Variants in EIF4E1B observed in about 807,000 individuals in gnomAD.
EIF4E1B encodes eukaryotic translation initiation factor 4E family member 1B.
In EIF4E1B, 22 loss-of-function variants were observed where a neutral mutation model predicts 31.3. The observed-to-expected ratio is 0.70, with a 90% confidence interval of 0.50 to 1.00. The LOEUF (loss-of-function observed/expected upper bound fraction) is 1.00. EIF4E1B is among the 50% of genes least tolerant of loss of function. EIF4E1B has a pLI of 0.00. For synonymous variants in EIF4E1B, 126 were observed against 120.2 expected (o/e 1.05, Z -0.31); for missense variants, 290 against 311.6 (o/e 0.93, Z 0.52).
Position 176,643,225 on chromosome 5 carries a change from C to G in EIF4E1B, c.159C>G (p.Gly53=), listed in dbSNP as rs375992710. The change falls in exon 4 of 9, where the codon GGC becomes GGG. Residue 53 remains glycine (G), a synonymous_variant. Transcript: ENST00000318682. Reference sequence around the variant, plus strand: ...TGAGAGGGAAGGCCCGGACGGGGGGCCCCATGGAAGTCAAGCTGGAGCTGC... The same window carrying G: ...TGAGAGGGAAGGCCCGGACGGGGGGGCCCATGGAAGTCAAGCTGGAGCTGC... ...LSLRGKARTG[G]PMEVKLELHP... is the part of the protein sequence containing the mutation. 39 of 1,612,762 alleles carry G rather than the reference C, an allele frequency of 2.4e-5. No homozygotes were observed. The highest frequency in any genetic ancestry group is 5.3e-5 in the African/African-American group (4 of 74,892).
At chr5:176,641,493 G>A (rs935680619) in intron 1 of EIF4E1B, among the ~76,000 whole-genome samples, 14 of 152,314 alleles carry the variant, frequency 9.2e-5, no homozygotes, top group Middle Eastern at 3.4e-3. Context: ...CCCCAGCTTG[G>A]ATCGTGGACT....
chr5:176,640,890 A>G (rs1301654874), intron 1 of EIF4E1B, among the ~76,000 whole-genome samples: 1 of 151,966 alleles, frequency 6.6e-6, no homozygotes, highest in Non-Finnish European at 1.5e-5. Context: ...GCCCTCCCCG[A>G]CCCAGTTAAT....
At position 176,638,949 on chromosome 5, in the gene EIF4E1B, G is replaced by A. The variant is rs1193535025; in HGVS notation, c.-201-3094G>A. The stretch of plus-strand genomic sequence containing the variant: ...GCCACCATGCCCAACTAGTTTTGTT[G>A]CTGTTGTTGTTTGTTTGTTTGTTTT... On this transcript the variant is annotated intron_variant, in intron 1 of 8. Coordinates refer to ENST00000318682, the MANE Select transcript of EIF4E1B (RefSeq NM_001099408.2). This position sits in a 1 kb window ranked among gnomAD's most constrained non-coding sequence, Gnocchi z 4.3. 6.6e-6 allele frequency among the ~76,000 whole-genome samples: 1 copy of A among 152,066 alleles called. No individual in the cohort carries two copies. Among genetic ancestry groups the A allele is most frequent in the Non-Finnish European group, 1.5e-5 (1 of 68,006 alleles).
chr5:176,636,365 G>C (rs1443104850), intron 1 of EIF4E1B, among the ~76,000 whole-genome samples: 2 of 152,244 alleles, frequency 1.3e-5, no homozygotes, highest in East Asian at 3.9e-4. Context: ...CAGGAAATGG[G>C]CCTTTCCATT....
intron 1 of EIF4E1B, among the ~76,000 whole-genome samples, chr5:176,632,758 G>T (rs1760427365): frequency 6.6e-6 from 1 of 152,176 alleles, no homozygotes; most frequent in South Asian, 2.1e-4. Flanking sequence ...TGGTCTCTCA[G>T]CATTAAAATT....
At position 176,645,287 on chromosome 5, in the gene EIF4E1B, G is replaced by A; in HGVS notation, c.474+44G>A. 6.3e-7 allele frequency: 1 copy of A among 1,594,480 alleles called. No homozygotes were observed. Among genetic ancestry groups the A allele is most frequent in the Non-Finnish European group, 8.6e-7 (1 of 1,166,890 alleles). ...GTCCTCAGGGGAAGAGACGGGCTGT[G>A]TGGGTCTCATGGTGGCAGTGGTCTC... is the stretch of plus-strand genomic sequence containing the variant. On this transcript the variant is annotated intron_variant, in intron 7 of 8. Transcript: ENST00000318682. The surrounding 1 kb of genome is among the most constrained non-coding windows in gnomAD (Gnocchi z 5.4).
chr5:176,643,872 A>G (rs376452636), intron 5 of EIF4E1B, 138 bp downstream of exon 5: 8 of 848,558 alleles, frequency 9.4e-6, no homozygotes, highest in African/African-American at 6.8e-5. Flanking sequence ...CCCAGGGGGT[A>G]TAGGGCACAA....
At chr5:176,633,529 C>T (rs980519093) in intron 1 of EIF4E1B, among the ~76,000 whole-genome samples, 5 of 152,254 alleles carry the variant, frequency 3.3e-5, no homozygotes, top group South Asian at 2.1e-4. Context: ...AGGCTGGTCT[C>T]GAACTCCTGG....
chr5:176,634,862 G>T (rs1760468633), intron 1 of EIF4E1B, among the ~76,000 whole-genome samples: 1 of 151,834 alleles, frequency 6.6e-6, no homozygotes, highest in South Asian at 2.1e-4. Flanking sequence ...TAGAGACAGG[G>T]TTTCACCATG....
chr5:176,637,643 G>A (rs550439472), intron 1 of EIF4E1B, among the ~76,000 whole-genome samples: 40 of 152,248 alleles, frequency 2.6e-4, no homozygotes, highest in African/African-American at 8.4e-4. Context: ...TAGGAAGTGA[G>A]GGGACAGCCT....
intron 1 of EIF4E1B, among the ~76,000 whole-genome samples, chr5:176,631,413 GCTGT>G (rs1159034499): frequency 1.3e-5 from 2 of 152,170 alleles, no homozygotes; most frequent in African/African-American, 4.8e-5. Flanking sequence ...TGCCCAAGAA[GCTGT>G]AGTATCCCAG....
Position 176,636,832 on chromosome 5 carries a change from C to T in EIF4E1B, c.-201-5211C>T, listed in dbSNP as rs570485425. 7.9e-5 allele frequency among the ~76,000 whole-genome samples: 12 copies of T among 152,322 alleles called. No individual in the cohort carries two copies. The South Asian group carries it at 8.3e-4, about 11-fold the overall frequency. On this transcript the variant is annotated intron_variant, in intron 1 of 8. Transcript: ENST00000318682. ...TACCCAGAGAGGGAAAGTCACTGGC[C>T]TTTGTTCTTTTCAATCAGTTTTCCC...
intron 1 of EIF4E1B, among the ~76,000 whole-genome samples, chr5:176,636,300 C>A (rs1760492217): frequency 6.6e-6 from 1 of 152,244 alleles, no homozygotes; most frequent in South Asian, 2.1e-4. Flanking sequence ...CCTCCAGTGG[C>A]CAGTGGCCAC....
intron 1 of EIF4E1B, among the ~76,000 whole-genome samples, chr5:176,641,501 A>G (rs914735648): frequency 1.3e-5 from 2 of 152,134 alleles, no homozygotes; most frequent in Admixed American, 1.3e-4. Flanking sequence ...TGGATCGTGG[A>G]CTTTTTAGGT....
chr5:176,638,762 G>C lies in EIF4E1B; in HGVS notation c.-201-3281G>C, dbSNP rs1760533100. Among the ~76,000 whole-genome samples, 1 of 150,522 alleles carries C rather than the reference G, an allele frequency of 6.6e-6. No homozygotes were observed. Among genetic ancestry groups the C allele is most frequent in the Non-Finnish European group, 1.5e-5 (1 of 68,008 alleles). On this transcript the variant is annotated intron_variant, in intron 1 of 8. Coordinates refer to ENST00000318682, the MANE Select transcript of EIF4E1B (RefSeq NM_001099408.2). This position sits in a 1 kb window ranked among gnomAD's most constrained non-coding sequence, Gnocchi z 4.3. ...TTTGGATCACATCCTGGGTGTCCTG[G>C]AGGTTTGTTTGTTTGTTTGTTTGTT...
rs1249460359 is a variant in EIF4E1B, at chr5:176,645,674, C to A, written c.614+158C>A. On this transcript the variant is annotated intron_variant, in intron 8 of 8. Coordinates refer to ENST00000318682, the MANE Select transcript of EIF4E1B (RefSeq NM_001099408.2). The surrounding 1 kb of genome is among the most constrained non-coding windows in gnomAD (Gnocchi z 5.4). ...TATGGAAGGTCTGGCGTTCAGATTT[C>A]TAACTTTCTCTTACGGCAGTGCAGC... The A allele has an allele frequency of 1.6e-6, 2 of 1,234,726 alleles. No homozygotes were observed. Among genetic ancestry groups the A allele is most frequent in the Non-Finnish European group, 2.2e-6 (2 of 912,374 alleles). The allele number at this position is 1,234,726 out of a possible 1,614,324, so 76.5% of individuals were successfully genotyped here.
Position 176,630,762 on chromosome 5 carries a change from G to A in EIF4E1B, c.-504G>A, listed in dbSNP as rs1389160574. Reference sequence around the variant, plus strand: ...CGCGACTGGATTTGGAGTTCTGCTGGGCTCGAATCTCAGCTGTGCTTTTTA... The same window carrying A: ...CGCGACTGGATTTGGAGTTCTGCTGAGCTCGAATCTCAGCTGTGCTTTTTA... On this transcript the variant is annotated 5_prime_UTR_variant, in exon 1 of 9. Transcript: ENST00000318682. 5 of 152,318 alleles carry A rather than the reference G, an allele frequency of 3.3e-5. No homozygotes were observed. The highest frequency in any genetic ancestry group is 7.3e-5 in the Non-Finnish European group (5 of 68,092). 9.4% of individuals were successfully genotyped at this position (152,318 alleles called of 1,614,324 possible). A position where few individuals can be genotyped will look rare whatever the true frequency, so the allele number is the denominator to read the frequency against.
chr5:176,643,785 G>T lies in EIF4E1B; in HGVS notation c.296+51G>T, dbSNP rs1760641703. 1.7e-5 allele frequency: 26 copies of T among 1,563,140 alleles called. No individual in the cohort carries two copies. The South Asian group carries it at 2.1e-4, about 13-fold the overall frequency. On this transcript the variant is annotated intron_variant, in intron 5 of 8. Transcript: ENST00000318682. ...AGAGTTGGGGGGCTCTGAGCTCTGG[G>T]CTCCCTCTCTCCGGGTTGAGCCAGC...
At chr5:176,633,606 G>A (rs1760445521) in intron 1 of EIF4E1B, among the ~76,000 whole-genome samples, 1 of 152,032 alleles carries the variant, frequency 6.6e-6, no homozygotes, top group Non-Finnish European at 1.5e-5. Context: ...TATTGTACCT[G>A]GCCCATGAGC....
Sources: gnomAD v4.1 joint callset for allele counts (sites outside exome capture counted in the v4.1 genomes callset) on GRCh38, gnomAD v4.1.1 for gene constraint, Gnocchi (gnomAD v3.1) non-coding constraint, MANE v1.5 for transcripts, NCBI Gene and HGNC (gene_info 2026-07-23, HGNC 2026-07-21) for gene names.